FN3K: variants seen among roughly 807,000 people sequenced by gnomAD.
FN3K encodes fructosamine-3-kinase.
Under a neutral mutation model 24.8 loss-of-function variants are expected in FN3K, and 24 were observed. The observed-to-expected ratio is 0.97, with a 90% CI of 0.70 to 1.36. The LOEUF (loss-of-function observed/expected upper bound fraction) is 1.36, where lower values mean the gene tolerates loss of function less well. Among genes scored for constraint, FN3K ranks in the 40% most tolerant of loss-of-function variants. FN3K has a pLI of 0.00. For synonymous variants in FN3K, 192 were observed against 175.2 expected, an observed-to-expected ratio of 1.10 and a Z score of -0.76; for missense variants, 449 against 416.7, an observed-to-expected ratio of 1.08 and a Z score of -0.67.
intron 4 of FN3K, chr17:82,742,805 T>A (rs566510334): frequency 2.3e-6 from 1 of 442,466 alleles, no homozygotes; most frequent in East Asian, 7.1e-5. Context: ...CACTGCTTCT[T>A]GAAGAGAGAA....
chr17:82,740,957 T>C (rs1426309293), intron 3 of FN3K, 103 bp downstream of exon 3: 2 of 781,918 alleles, frequency 2.6e-6, no homozygotes, highest in East Asian at 2.5e-5. Flanking sequence ...TAGGTTGAGT[T>C]GTATACCGTC....
Position 82,739,618 on chromosome 17 carries a change from C to T in FN3K, c.293+978C>T, listed in dbSNP as rs186757348. Among the ~76,000 whole-genome samples the T allele has an allele frequency of 6.3e-3, 953 of 152,094 alleles. 5 individuals carry two copies. The highest frequency in any genetic ancestry group is 7.9e-3 in the Non-Finnish European group (540 of 67,988). ...GACTACAGGCGCCCGCCACCATGCC[C>T]GGCTAATTTTTTGTATTTTTAGTAG... On this transcript the variant is annotated intron_variant, in intron 2 of 5. Coordinates refer to ENST00000300784, the MANE Select transcript of FN3K (RefSeq NM_022158.4).
At chr17:82,741,985 G>A (rs958097732) in intron 4 of FN3K, among the ~76,000 whole-genome samples, 2 of 152,036 alleles carry the variant, frequency 1.3e-5, no homozygotes, top group Non-Finnish European at 1.5e-5. Flanking sequence ...TCGACCCACC[G>A]CAACATCGGC....
chr17:82,737,718 A>C (rs1284329348), intron 1 of FN3K: 1 of 152,192 alleles, frequency 6.6e-6, no homozygotes, highest in Non-Finnish European at 1.5e-5. Context: ...AAGCAGGAGA[A>C]TCGTTTGAAC....
At chr17:82,736,817 G>A (rs1042062307) in intron 1 of FN3K, among the ~76,000 whole-genome samples, 1 of 152,232 alleles carries the variant, frequency 6.6e-6, no homozygotes, top group Non-Finnish European at 1.5e-5. Flanking sequence ...CTCAAAGTGG[G>A]GAGTCCTACT....
chr17:82,736,411 C>T (rs995954369), intron 1 of FN3K: 2 of 152,422 alleles, frequency 1.3e-5, no homozygotes, highest in African/African-American at 2.4e-5. Context: ...TGCCACTGGC[C>T]TGTAATCCCA....
At chr17:82,739,516 G>T (rs2046928906) in intron 2 of FN3K, among the ~76,000 whole-genome samples, 2 of 148,812 alleles carry the variant, frequency 1.3e-5, no homozygotes, top group Non-Finnish European at 1.5e-5. Flanking sequence ...GGAGTGCAGT[G>T]GCGCGATCTT....
Position 82,735,628 on chromosome 17 carries a change from C to A in FN3K, c.-9C>A. ...TTCCGAGCGAGCAGAGTCCCGCGCC[C>A]CGCACTCCATGGAGCAGCTGCTGCG... On this transcript the variant is annotated 5_prime_UTR_variant, in exon 1 of 6. Coordinates refer to ENST00000300784, the MANE Select transcript of FN3K (RefSeq NM_022158.4). The A allele has an allele frequency of 6.6e-7, 1 of 1,521,284 alleles. No individual in the cohort carries two copies. Among genetic ancestry groups the A allele is most frequent in the Non-Finnish European group, 8.7e-7 (1 of 1,143,504 alleles). The allele number at this position is 1,521,284 out of a possible 1,614,324, so 94.2% of individuals were successfully genotyped here.
intron 2 of FN3K, among the ~76,000 whole-genome samples, 175 bp downstream of exon 2, chr17:82,738,815 C>G (rs556981967): frequency 8.6e-5 from 13 of 151,478 alleles, no homozygotes; most frequent in African/African-American, 3.2e-4. Context: ...GCCAAGAGTT[C>G]CACCCTGCCA....
At chr17:82,740,240 A>G (rs2143642210) in intron 2 of FN3K, among the ~76,000 whole-genome samples, 1 of 152,130 alleles carries the variant, frequency 6.6e-6, no homozygotes, top group Non-Finnish European at 1.5e-5. Flanking sequence ...CTTTCTCAGC[A>G]TTCCTCCCTT....
intron 4 of FN3K, among the ~76,000 whole-genome samples, chr17:82,744,627 G>GAA (rs61067828): frequency 0.65 from 99,002 of 151,414 alleles, 32,433 homozygotes; most frequent in South Asian, 0.72. Context: ...AAAGTATAGA[G>GAA]AGAAATAAGG....
At chr17:82,738,253 C>T (rs2046916564) in intron 1 of FN3K, 1 of 559,444 alleles carries the variant, frequency 1.8e-6, no homozygotes, top group Non-Finnish European at 3.2e-6. Flanking sequence ...TCACAGCAGC[C>T]TGCAGACCCC....
intron 2 of FN3K, among the ~76,000 whole-genome samples, chr17:82,740,313 CATG>C (rs1226835100): frequency 6.7e-6 from 1 of 148,876 alleles, no homozygotes; most frequent in Non-Finnish European, 1.5e-5. Context: ...TTTGTGATTA[CATG>C]ATGTTATTTT....
chr17:82,735,842 C>T, intron 1 of FN3K, 65 bp downstream of exon 1: 4 of 1,239,544 alleles, frequency 3.2e-6, no homozygotes, highest in Non-Finnish European at 2.2e-6. Context: ...GCGGAGGGGT[C>T]GGGGGCAGGC....
chr17:82,742,270 A>G (rs959929500), intron 4 of FN3K, among the ~76,000 whole-genome samples: 1 of 152,020 alleles, frequency 6.6e-6, no homozygotes, highest in African/African-American at 2.4e-5. Flanking sequence ...TGAACTCCCA[A>G]CCTCAGGTGA....
At chr17:82,738,249 C>T in intron 1 of FN3K, 2 of 548,230 alleles carry the variant, frequency 3.6e-6, no homozygotes, top group Non-Finnish European at 6.6e-6. Flanking sequence ...CCTGTCACAG[C>T]AGCCTGCAGA....
rs763519474 is a variant in FN3K at position 82,748,889 on chromosome 17, T to A, written c.503T>A (p.Phe168Tyr). ...NEWQDDWPTF[F>Y]ARHRLQAQLD... Reference sequence around the variant, plus strand: ...TGGCAGGATGACTGGCCGACCTTTTTCGCCCGGCACCGGCTCCAGGCGCAG... The same window carrying A: ...TGGCAGGATGACTGGCCGACCTTTTACGCCCGGCACCGGCTCCAGGCGCAG... Residue 168 changes from phenylalanine to tyrosine, a missense_variant, in exon 5 of 6, where the codon TTC becomes TAC. Transcript: ENST00000300784. 1 of 1,613,672 alleles carries A rather than the reference T, an allele frequency of 6.2e-7. No individual in the cohort carries two copies. The highest frequency in any genetic ancestry group is 1.7e-5 in the Admixed American group (1 of 60,022).
At chr17:82,736,851 A>G (rs1438109016) in intron 1 of FN3K, among the ~76,000 whole-genome samples, 1 of 152,228 alleles carries the variant, frequency 6.6e-6, no homozygotes, top group African/African-American at 2.4e-5. Context: ...TTTTTGGTTC[A>G]GGCTTCCCAC....
In FN3K at chr17:82,751,173, A is replaced by C; in HGVS notation, c.*418A>C. 9.7e-6 allele frequency: 1 copy of C among 103,082 alleles called. No homozygotes were observed. The allele number at this position is 103,082 out of a possible 1,614,324, so 6.4% of individuals were successfully genotyped here. A position where few individuals can be genotyped will look rare whatever the true frequency, so the allele number is the denominator to read the frequency against. ...CCTCCCAGATCCTGGGGACCAATAA[A>C]GCCCGCAGCGGGTCTCGGCTGGCGT... On this transcript the variant is annotated 3_prime_UTR_variant, in exon 6 of 6. Transcript: ENST00000300784.
Sources: gnomAD v4.1 joint callset for allele counts (sites outside exome capture counted in the v4.1 genomes callset) on GRCh38, gnomAD v4.1.1 for gene constraint, MANE v1.5 for transcripts, NCBI Gene and HGNC (gene_info 2026-07-23, HGNC 2026-07-21) for gene names.